KLF12: variants seen among roughly 807,000 people sequenced by gnomAD.
The protein encoded by KLF12 is Krueppel-like factor 12.
Under a neutral mutation model 37.8 loss-of-function variants are expected in KLF12, and 9 were observed. The ratio of observed to expected loss-of-function variants is 0.24; its 90% confidence interval spans 0.14 to 0.42. The LOEUF is 0.42. KLF12 is among the 10% of genes least tolerant of loss of function. KLF12 has a pLI of 1.00. For missense variants in KLF12, 411 were observed against 516.0 expected (o/e 0.80, Z 1.97); for synonymous variants, 208 against 202.1 (o/e 1.03, Z -0.25).
chr13:73,999,360 C>T (rs1267446960), intron 1 of KLF12, among the ~76,000 whole-genome samples: 1 of 152,136 alleles, frequency 6.6e-6, no homozygotes, highest in Non-Finnish European at 1.5e-5. Context: ...AAAGAAAGCA[C>T]AAAAAGCTTC....
intron 5 of KLF12, among the ~76,000 whole-genome samples, chr13:73,795,160 G>T (rs1881891830): frequency 6.6e-6 from 1 of 152,194 alleles, no homozygotes; most frequent in South Asian, 2.1e-4. Context: ...TTTTCCCCAT[G>T]ATAAAGATGG....
At chr13:73,914,678 G>C (rs1888733712) in intron 3 of KLF12, among the ~76,000 whole-genome samples, 2 of 152,100 alleles carry the variant, frequency 1.3e-5, no homozygotes, top group African/African-American at 4.8e-5. Flanking sequence ...AGCACACGGG[G>C]CTATTCTAGC....
At chr13:74,003,411 A>G (rs895362342) in intron 1 of KLF12, among the ~76,000 whole-genome samples, 4 of 152,210 alleles carry the variant, frequency 2.6e-5, no homozygotes, top group African/African-American at 9.6e-5. Flanking sequence ...TAGTCAGCCC[A>G]TCCAACTGAA....
chr13:74,160,239 A>T, the KLF12 span, among the ~76,000 whole-genome samples: 4 of 152,194 alleles, frequency 2.6e-5, no homozygotes, highest in Non-Finnish European at 4.4e-5. Context: ...GTGTAATGGT[A>T]TATGTGTTCC....
chr13:73,868,557 A>AT (rs1886306679), intron 3 of KLF12, among the ~76,000 whole-genome samples: 2 of 151,632 alleles, frequency 1.3e-5, no homozygotes, highest in Non-Finnish European at 2.9e-5. Flanking sequence ...TGCCCAGCTA[A>AT]TTTTTGTATT....
intron 2 of KLF12, among the ~76,000 whole-genome samples, chr13:73,993,625 G>T (rs781490997): frequency 1.2e-4 from 18 of 152,112 alleles, no homozygotes. Context: ...TTTACATAGA[G>T]AAAAGTAAAT....
At chr13:74,058,433 T>C (rs1873383129) in intron 1 of KLF12, among the ~76,000 whole-genome samples, 1 of 145,140 alleles carries the variant, frequency 6.9e-6, no homozygotes. Context: ...CTCGGCTCAC[T>C]GCAAGCTCCG....
At chr13:73,937,167 C>T (rs1889974279) in intron 3 of KLF12, among the ~76,000 whole-genome samples, 1 of 149,912 alleles carries the variant, frequency 6.7e-6, no homozygotes, top group Admixed American at 6.7e-5. Context: ...TCCAGCCTGG[C>T]GACAGAGCGA....
chr13:74,079,043 C>A (rs1593881620), intron 1 of KLF12, among the ~76,000 whole-genome samples: 1 of 152,284 alleles, frequency 6.6e-6, no homozygotes, highest in East Asian at 1.9e-4. Context: ...ATACGGTATT[C>A]TCTTCCCACA....
At chr13:73,702,223 C>CA (rs1874610820) in intron 7 of KLF12, among the ~76,000 whole-genome samples, 1 of 151,844 alleles carries the variant, frequency 6.6e-6, no homozygotes, top group South Asian at 2.1e-4. Flanking sequence ...TTGAAATAAC[C>CA]AACTGATGGA....
At chr13:73,699,691 C>G (rs1009551460) in intron 7 of KLF12, among the ~76,000 whole-genome samples, 1 of 152,148 alleles carries the variant, frequency 6.6e-6, no homozygotes, top group Non-Finnish European at 1.5e-5. Flanking sequence ...CCTATTGAGT[C>G]TGGGAAGTGG....
intron 1 of KLF12, among the ~76,000 whole-genome samples, chr13:74,099,843 A>G (rs1876214223): frequency 6.6e-6 from 1 of 152,244 alleles, no homozygotes; most frequent in South Asian, 2.1e-4. Context: ...ATTTAAAAAA[A>G]AAGTGTTGAT....
Position 73,918,968 on chromosome 13 carries a change from G to T in KLF12, c.123+25013C>A, listed in dbSNP as rs115524769. Among the ~76,000 whole-genome samples, 731 of 152,256 alleles carry T rather than the reference G, an allele frequency of 4.8e-3. 9 individuals carry two copies. Among genetic ancestry groups the T allele is most frequent in the African/African-American group, 0.016 (662 of 41,544 alleles). ...GTTAGTTTGACTACTCTGAAAACCA[G>T]TCTGATTCTGGAGAATCCCTGCCAA... On this transcript the variant is annotated intron_variant, in intron 3 of 7. Transcript: ENST00000377669.
At position 73,715,591 on chromosome 13, in the gene KLF12, TG is replaced by T. The variant is rs369885605; in HGVS notation, c.870-67del. 6.6e-4 allele frequency: 996 copies of T among 1,501,450 alleles called. 7 individuals carry two copies. The African/African-American group carries it at 0.012, about 18-fold the overall frequency. The allele number at this position is 1,501,450 out of a possible 1,614,324, so 93.0% of individuals were successfully genotyped here. ...CCGCCCCATTTTGGTTCTGGTGGCA[TG>T]GGAACATTGTCTCAGACACTACAGC... On this transcript the variant is annotated intron_variant, in intron 6 of 7. Transcript: ENST00000377669.
chr13:74,041,138 A>G (rs1893392323), intron 1 of KLF12, among the ~76,000 whole-genome samples: 1 of 151,968 alleles, frequency 6.6e-6, no homozygotes, highest in African/African-American at 2.4e-5. Flanking sequence ...CCTCCTTAGC[A>G]CTCCGCTCAC....
chr13:73,796,768 G>A (rs1881999041), intron 5 of KLF12, among the ~76,000 whole-genome samples: 1 of 152,106 alleles, frequency 6.6e-6, no homozygotes, highest in Non-Finnish European at 1.5e-5. Context: ...TGCACACACA[G>A]ACCTTCATCT....
the KLF12 span, among the ~76,000 whole-genome samples, chr13:74,184,589 A>G: frequency 6.6e-6 from 1 of 152,218 alleles, no homozygotes; most frequent in Non-Finnish European, 1.5e-5. Flanking sequence ...TCTCCAGCAA[A>G]TATTTTCTCC....
At chr13:73,934,973 ATTTATTTATTTATTT>A (rs1566469372) in intron 3 of KLF12, among the ~76,000 whole-genome samples, 1 of 132,626 alleles carries the variant, frequency 7.5e-6, no homozygotes. Context: ...TTATTTATTT[ATTTATTTATTTATTT>A]ATTTTGAGAC....
intron 4 of KLF12, among the ~76,000 whole-genome samples, chr13:73,825,342 C>T (rs1241005055): frequency 6.6e-6 from 1 of 152,124 alleles, no homozygotes; most frequent in African/African-American, 2.4e-5. Context: ...GTGGCAGTAT[C>T]TCCGGAAATG....
Sources: allele counts gnomAD v4.1 joint callset (sites outside exome capture counted in the v4.1 genomes callset), GRCh38; gene constraint gnomAD v4.1.1; transcripts MANE v1.5; gene names NCBI Gene and HGNC (gene_info 2026-07-23, HGNC 2026-07-21).